The following ITGA6 variants were observed in gnomAD, a reference collection of about 807,000 sequenced individuals.
The protein encoded by ITGA6 is integrin alpha-6.
Under a neutral mutation model 133.6 loss-of-function variants are expected in ITGA6, and 63 were observed. That is an observed-to-expected ratio of 0.47 (90% CI 0.38 to 0.58). ITGA6 has a LOEUF of 0.58. ITGA6 is among the 20% of genes least tolerant of loss of function. ITGA6 has a pLI of 0.00. For missense variants in ITGA6, 1,068 were observed against 1,309.4 expected (o/e 0.82, Z 2.85); for synonymous variants, 434 against 482.0 (o/e 0.90, Z 1.30).
chr2:172,465,823 C>A (rs1685644340), intron 2 of ITGA6, 160 bp downstream of exon 2: 1 of 1,023,402 alleles, frequency 9.8e-7, no homozygotes, highest in African/African-American at 1.8e-5. Flanking sequence ...TATTTACTTA[C>A]TTTACTTCTG....
rs775035858 is a variant in ITGA6 at position 172,491,241 on chromosome 2, C to G, written c.2799C>G (p.Asn933Lys). Reference protein sequence around the residue: ...YQTLNCSVNVNCVNIRCPLRG... With the variant: ...YQTLNCSVNVKCVNIRCPLRG... ...TCTAGAACTGTAGCGTGAACGTGAA[C>G]TGTGTGAACATCAGATGCCCGCTGC... Residue 933 changes from asparagine to lysine, a missense_variant, in exon 22 of 26, where the codon AAC becomes AAG. Asn to Lys is a moderately conservative substitution (Grantham distance 94). Transcript: ENST00000684293. The surrounding 1 kb of genome is among the most constrained non-coding windows in gnomAD (Gnocchi z 4.4). 25 of 1,610,358 alleles carry G rather than the reference C, an allele frequency of 1.6e-5. No individual in the cohort carries two copies. The highest frequency in any genetic ancestry group is 1.3e-5 in the African/African-American group (1 of 74,820).
At chr2:172,436,811 A>G (rs920165169) in intron 1 of ITGA6, among the ~76,000 whole-genome samples, 5 of 152,242 alleles carry the variant, frequency 3.3e-5, no homozygotes, top group Non-Finnish European at 7.3e-5. Context: ...CAAAATAGAC[A>G]AAATCCCTGC....
At chr2:172,456,191 T>C (rs1329466269) in intron 1 of ITGA6, among the ~76,000 whole-genome samples, 1 of 152,194 alleles carries the variant, frequency 6.6e-6, no homozygotes, top group Non-Finnish European at 1.5e-5. Context: ...AGTGGATACC[T>C]GGAGGGTCAA....
intron 25 of ITGA6, among the ~76,000 whole-genome samples, chr2:172,503,178 T>G (rs1687417559): frequency 6.6e-6 from 1 of 152,148 alleles, no homozygotes; most frequent in Non-Finnish European, 1.5e-5. Context: ...AATATCCTCA[T>G]TCTTCTAAAC....
chr2:172,486,223 C>G (rs1044180234), intron 13 of ITGA6, among the ~76,000 whole-genome samples: 1 of 148,248 alleles, frequency 6.7e-6, no homozygotes, highest in Non-Finnish European at 1.5e-5. Flanking sequence ...GAGTGTCTGT[C>G]CACTATGGGG....
chr2:172,496,324 G>C (rs57528312), intron 23 of ITGA6, among the ~76,000 whole-genome samples: 3,566 of 152,280 alleles, frequency 0.023, 143 homozygotes, highest in African/African-American at 0.081. Flanking sequence ...AGGAAACATG[G>C]TGGCTGATAA....
At chr2:172,486,199 AACT>A in intron 13 of ITGA6, among the ~76,000 whole-genome samples, 1 of 148,816 alleles carries the variant, frequency 6.7e-6, no homozygotes, top group Non-Finnish European at 1.5e-5. Flanking sequence ...AAAAAAAAAC[AACT>A]AATTGATGAT....
intron 1 of ITGA6, among the ~76,000 whole-genome samples, chr2:172,458,697 AG>A (rs1685312037): frequency 6.6e-6 from 1 of 152,206 alleles, no homozygotes; most frequent in Non-Finnish European, 1.5e-5. Context: ...AAAAGAGAAC[AG>A]GGATTATCAG....
intron 2 of ITGA6, among the ~76,000 whole-genome samples, chr2:172,466,322 G>T (rs752535089): frequency 1.3e-5 from 2 of 152,154 alleles, no homozygotes; most frequent in Non-Finnish European, 2.9e-5. Flanking sequence ...TCATCTTTTA[G>T]AAATAACATT....
Position 172,476,468 on chromosome 2 carries a change from C to T in ITGA6, c.1343C>T (p.Pro448Leu), listed in dbSNP as rs1686179392. 6.2e-7 allele frequency: 1 copy of T among 1,611,696 alleles called. No individual in the cohort carries two copies. The highest frequency in any genetic ancestry group is 8.5e-7 in the Non-Finnish European group (1 of 1,177,932). The change falls in exon 9 of 26, where the codon CCT becomes CTT. Residue 448 changes from proline (P) to leucine (L), a missense_variant. Coordinates refer to ENST00000684293, the MANE Select transcript of ITGA6 (RefSeq NM_000210.4). ...GNMDLDRNSY[P>L]DVAVGSLSDS... ...ATGGACCTTGATCGAAATTCCTACC[C>T]TGATGTTGCTGTTGGTTCCCTCTCA... is the stretch of plus-strand genomic sequence containing the variant.
chr2:172,461,954 A>G (rs1685442738), intron 1 of ITGA6, among the ~76,000 whole-genome samples: 2 of 152,010 alleles, frequency 1.3e-5, no homozygotes, highest in Non-Finnish European at 1.5e-5. Flanking sequence ...TACCTTATTT[A>G]TTGTTCCTGC....
At chr2:172,445,744 G>T (rs1684743185) in intron 1 of ITGA6, among the ~76,000 whole-genome samples, 1 of 152,028 alleles carries the variant, frequency 6.6e-6, no homozygotes, top group East Asian at 1.9e-4. Context: ...TAAAAATCTG[G>T]GTAGCTGGTC....
chr2:172,432,511 A>T (rs981280571), intron 1 of ITGA6, among the ~76,000 whole-genome samples: 2 of 152,240 alleles, frequency 1.3e-5, no homozygotes, highest in African/African-American at 4.8e-5. Context: ...CTTCCTGCTG[A>T]GGGTGGAGAG....
At chr2:172,501,006 A>G (rs1292924838) in intron 24 of ITGA6, among the ~76,000 whole-genome samples, 1 of 152,230 alleles carries the variant, frequency 6.6e-6, no homozygotes, top group Non-Finnish European at 1.5e-5. Flanking sequence ...ACCAGGTTAA[A>G]TTTTATAAAA....
intron 1 of ITGA6, among the ~76,000 whole-genome samples, chr2:172,446,968 G>A (rs976308710): frequency 6.6e-6 from 1 of 152,074 alleles, no homozygotes; most frequent in African/African-American, 2.4e-5. Context: ...CGCAATCTTG[G>A]CTTAGTGCAA....
intron 20 of ITGA6, among the ~76,000 whole-genome samples, chr2:172,490,507 G>A (rs932481877): frequency 3.3e-5 from 5 of 152,168 alleles, no homozygotes; most frequent in African/African-American, 4.8e-5. Context: ...CAAGATAATC[G>A]GTTATTACTA....
In ITGA6 at chr2:172,485,940, G is replaced by T. The variant is rs147183428; in HGVS notation, c.1854+676G>T. On this transcript the variant is annotated intron_variant, in intron 13 of 25. Coordinates refer to ENST00000684293, the MANE Select transcript of ITGA6 (RefSeq NM_000210.4). ...GCCTGTAATCCCAGAACTTCGGGAGGCCGAGGCGGGCAGGTCACTTGAGGT... is the reference window on the plus strand; with the variant it reads ...GCCTGTAATCCCAGAACTTCGGGAGTCCGAGGCGGGCAGGTCACTTGAGGT... 6.3e-4 allele frequency among the ~76,000 whole-genome samples: 96 copies of T among 152,282 alleles called. 1 individual carries two copies. The East Asian group carries it at 0.015, about 23-fold the overall frequency.
At chr2:172,501,683 T>G in intron 24 of ITGA6, 89 bp from the exon 25 acceptor site, 1 of 1,330,032 alleles carries the variant, frequency 7.5e-7, no homozygotes, top group Non-Finnish European at 1.1e-6. Flanking sequence ...AAGCCACTAG[T>G]AGAAGGCAGA....
At chr2:172,501,267 C>G (rs1241073364) in intron 24 of ITGA6, among the ~76,000 whole-genome samples, 1 of 152,062 alleles carries the variant, frequency 6.6e-6, no homozygotes, top group Non-Finnish European at 1.5e-5. Context: ...ATCCAAAGGC[C>G]TCAAGTAAAT....
Sources: allele counts gnomAD v4.1 joint callset (sites outside exome capture counted in the v4.1 genomes callset), GRCh38; gene constraint gnomAD v4.1.1; non-coding constraint Gnocchi (gnomAD v3.1); transcripts MANE v1.5; gene names NCBI Gene and HGNC (gene_info 2026-07-23, HGNC 2026-07-21).